Variants in USH2A observed in about 807,000 individuals in gnomAD.
The protein encoded by USH2A is Usher syndrome 2A (autosomal recessive, mild).
Under a neutral mutation model 538.9 loss-of-function variants are expected in USH2A, and 443 were observed. That is an observed-to-expected ratio of 0.82 (90% confidence interval 0.76 to 0.89). The LOEUF (loss-of-function observed/expected upper bound fraction) is 0.89, where lower values mean the gene tolerates loss of function less well. Ranked by LOEUF, USH2A falls within the 40% of genes least tolerant of loss-of-function variation. The probability of loss-of-function intolerance (pLI) is 0.00; values close to 1 mark genes in which losing one functional copy is unlikely to be tolerated. For synonymous variants in USH2A, 2,413 were observed against 2,273.5 expected (o/e 1.06, Z -1.75); for missense variants, 6,633 against 6,324.8 (o/e 1.05, Z -1.65).
chr1:215,634,502 C>T lies in USH2A; in HGVS notation c.15254G>A (p.Arg5085Lys), dbSNP rs1558031440. ...TGGGTAAACATTCAATGGAGACATC[C>T]TCTTCTGAAGAGGTACCAAGGGAGG... ...ERPPLVPLQK[R>K]MSPLNVYPPG... Residue 5085 changes from arginine to lysine, a missense_variant, in exon 70 of 72, where the codon AGG becomes AAG. Arg to Lys is a conservative substitution (Grantham distance 26). Transcript: ENST00000307340. 6 of 1,614,100 alleles carry T rather than the reference C, an allele frequency of 3.7e-6. No homozygotes were observed. The highest frequency in any genetic ancestry group is 5.1e-6 in the Non-Finnish European group (6 of 1,180,034).
At chr1:216,080,667 T>C (rs1023177358) in intron 26 of USH2A, among the ~76,000 whole-genome samples, 6 of 151,098 alleles carry the variant, frequency 4.0e-5, no homozygotes, top group Admixed American at 2.7e-4. Context: ...ATTCCATATA[T>C]TGAGGGAAAA....
intron 32 of USH2A, among the ~76,000 whole-genome samples, chr1:216,007,823 G>A (rs903118734): frequency 3.3e-5 from 5 of 152,214 alleles, no homozygotes; most frequent in Admixed American, 1.3e-4. Flanking sequence ...GAGGTGGGGG[G>A]ACCCCCAAAG....
intron 18 of USH2A, 27 bp from the exon 19 acceptor site, chr1:216,196,749 A>C: frequency 6.2e-7 from 1 of 1,607,588 alleles, no homozygotes; most frequent in Non-Finnish European, 8.5e-7. Context: ...TAACAATAAC[A>C]TCAAAACAAT....
chr1:216,069,236 G>C (rs1013015090), intron 30 of USH2A, among the ~76,000 whole-genome samples: 2 of 152,164 alleles, frequency 1.3e-5, no homozygotes, highest in African/African-American at 4.8e-5. Flanking sequence ...GGAAAGAAGT[G>C]AAGGGTGTGA....
intron 29 of USH2A, 192 bp downstream of exon 29, chr1:216,072,697 T>G: frequency 1.6e-6 from 1 of 629,116 alleles, no homozygotes; most frequent in Non-Finnish European, 2.8e-6. Context: ...TTTAGTGAAT[T>G]CTTGGTAAAT....
chr1:215,653,466 T>A (rs1175685807), intron 64 of USH2A, among the ~76,000 whole-genome samples: 1 of 152,204 alleles, frequency 6.6e-6, no homozygotes, highest in African/African-American at 2.4e-5. Flanking sequence ...TAAATCAACA[T>A]GCTTATGCAA....
At chr1:216,182,998 GA>G (rs150078828) in intron 20 of USH2A, among the ~76,000 whole-genome samples, 39 of 152,186 alleles carry the variant, frequency 2.6e-4, no homozygotes, top group African/African-American at 9.1e-4. Context: ...CTGTAGGACT[GA>G]GCATTTAATT....
At chr1:216,085,917 T>C (rs772321887) in intron 24 of USH2A, among the ~76,000 whole-genome samples, 2 of 152,144 alleles carry the variant, frequency 1.3e-5, no homozygotes, top group African/African-American at 2.4e-5. Context: ...CATGATTCCC[T>C]GAGACTGCAA....
At chr1:215,866,397 C>G (rs1045964052) in intron 44 of USH2A, among the ~76,000 whole-genome samples, 1 of 152,128 alleles carries the variant, frequency 6.6e-6, no homozygotes, top group Non-Finnish European at 1.5e-5. Flanking sequence ...AAAAAGTGTT[C>G]CCAGCAGGTC....
chr1:216,014,417 A>G (rs1668656792), intron 32 of USH2A, among the ~76,000 whole-genome samples: 1 of 152,248 alleles, frequency 6.6e-6, no homozygotes, highest in Non-Finnish European at 1.5e-5. Context: ...AAGTAATGAC[A>G]ACTCTCCTCC....
At chr1:216,101,370 C>G (rs187825477) in intron 21 of USH2A, among the ~76,000 whole-genome samples, 22 of 152,206 alleles carry the variant, frequency 1.4e-4, no homozygotes, top group African/African-American at 5.3e-4. Context: ...TATTAACACT[C>G]TCTTTTCCTA....
At chr1:216,075,482 A>T (rs1403546845) in intron 27 of USH2A, among the ~76,000 whole-genome samples, 1 of 152,048 alleles carries the variant, frequency 6.6e-6, no homozygotes, top group Admixed American at 6.6e-5. Context: ...CCACACCACC[A>T]CCCCTGGGCC....
chr1:215,896,658 C>T lies in USH2A; in HGVS notation c.7594+3417G>A, dbSNP rs1423692213. 5.9e-5 allele frequency among the ~76,000 whole-genome samples: 9 copies of T among 152,188 alleles called. No individual in the cohort carries two copies. In the South Asian group the frequency reaches 6.2e-4, roughly 11 times the overall value. On this transcript the variant is annotated intron_variant, in intron 40 of 71. Coordinates refer to ENST00000307340, the MANE Select transcript of USH2A (RefSeq NM_206933.4). ...TATACAGAAAACAATTGCAAACATA[C>T]GAGAGAGAAGGAACAATCATATAAT...
rs995246528 is a variant in USH2A at position 215,934,346 on chromosome 1, ATG to A, written c.7300+268_7300+269del. ...AACATGCAGAAATCCAGATATATAT[ATG>A]TGTGTGTGTGTATGTGTGTATGGTA... is the stretch of plus-strand genomic sequence containing the variant. On this transcript the variant is annotated intron_variant, in intron 38 of 71. Transcript: ENST00000307340. Among the ~76,000 whole-genome samples the A allele has an allele frequency of 3.3e-5, 5 of 151,606 alleles. No homozygotes were observed. The East Asian group carries it at 9.7e-4, about 29-fold the overall frequency.
chr1:215,836,777 C>T (rs925803687), intron 47 of USH2A, among the ~76,000 whole-genome samples: 8 of 149,126 alleles, frequency 5.4e-5, no homozygotes, highest in African/African-American at 1.7e-4. Flanking sequence ...AGGATGGTCT[C>T]GATCTCCTGA....
At chr1:215,742,024 C>T (rs763183321) in intron 59 of USH2A, among the ~76,000 whole-genome samples, 8 of 152,080 alleles carry the variant, frequency 5.3e-5, no homozygotes, top group African/African-American at 1.9e-4. Context: ...TTCAGGGACA[C>T]GGAGATGCAG....
chr1:215,646,726 C>T (rs1656863493), intron 67 of USH2A, among the ~76,000 whole-genome samples: 1 of 152,132 alleles, frequency 6.6e-6, no homozygotes, highest in South Asian at 2.1e-4. Flanking sequence ...GGGGTTTCAC[C>T]ATGTTGGTCA....
chr1:215,657,089 G>A (rs907632441), intron 64 of USH2A, among the ~76,000 whole-genome samples: 6 of 152,174 alleles, frequency 3.9e-5, no homozygotes, highest in South Asian at 2.1e-4. Flanking sequence ...CAATAGATTC[G>A]ATCAAAATCA....
intron 3 of USH2A, among the ~76,000 whole-genome samples, chr1:216,386,398 G>A (rs1485613213): frequency 1.3e-5 from 2 of 151,400 alleles, no homozygotes; most frequent in Admixed American, 6.6e-5. Flanking sequence ...TCGGGAGGCT[G>A]AGGCATGAAC....
Sources: allele counts gnomAD v4.1 joint callset (sites outside exome capture counted in the v4.1 genomes callset), GRCh38; gene constraint gnomAD v4.1.1; transcripts MANE v1.5; gene names NCBI Gene and HGNC (gene_info 2026-07-23, HGNC 2026-07-21).